The following NOS1AP variants were observed in gnomAD, a reference collection of about 807,000 sequenced individuals.
NOS1AP encodes the protein nitric oxide synthase 1 adaptor protein.
A neutral mutation model predicts 56.2 loss-of-function variants in NOS1AP; 21 were observed. The observed-to-expected ratio is 0.37, with a 90% CI of 0.26 to 0.54. The LOEUF (loss-of-function observed/expected upper bound fraction) is 0.54, where lower values mean the gene tolerates loss of function less well. Ranked by LOEUF, NOS1AP falls within the 20% of genes least tolerant of loss-of-function variation. NOS1AP has a pLI of 0.84. For missense variants in NOS1AP, 522 were observed against 657.8 expected, an observed-to-expected ratio of 0.79 and a Z score of 2.26; for synonymous variants, 270 against 274.6, an observed-to-expected ratio of 0.98 and a Z score of 0.17.
At chr1:162,138,346 C>T (rs1649091859) in intron 1 of NOS1AP, among the ~76,000 whole-genome samples, 1 of 152,070 alleles carries the variant, frequency 6.6e-6, no homozygotes, top group African/African-American at 2.4e-5. Flanking sequence ...TAAATGTGGG[C>T]AGAGTGGCCC....
chr1:162,347,018 G>A (rs539423099), intron 6 of NOS1AP, among the ~76,000 whole-genome samples: 1 of 152,226 alleles, frequency 6.6e-6, no homozygotes, highest in Non-Finnish European at 1.5e-5. Context: ...GATAGACTTT[G>A]GCGAATATTT....
chr1:162,081,736 ATCTATATCTATATC>A (rs1386072171), intron 1 of NOS1AP, among the ~76,000 whole-genome samples: 3 of 96,680 alleles, frequency 3.1e-5, no homozygotes, highest in African/African-American at 1.1e-4. Context: ...ATATCTATAT[ATCTATATCTATATC>A]TATAGATATA....
chr1:162,258,431 A>T (rs1654104444), intron 2 of NOS1AP, among the ~76,000 whole-genome samples: 1 of 152,138 alleles, frequency 6.6e-6, no homozygotes, highest in Non-Finnish European at 1.5e-5. Flanking sequence ...GGTGGGAGAC[A>T]TAGGTGCATC....
At chr1:162,288,324 C>T (rs1571192617) in intron 3 of NOS1AP, among the ~76,000 whole-genome samples, 2 of 152,112 alleles carry the variant, frequency 1.3e-5, no homozygotes, top group East Asian at 3.8e-4. Flanking sequence ...CTCCATAGAC[C>T]TCCTGAGCTT....
At chr1:162,230,243 G>T (rs1464822403) in intron 2 of NOS1AP, among the ~76,000 whole-genome samples, 2 of 152,094 alleles carry the variant, frequency 1.3e-5, no homozygotes, top group Non-Finnish European at 2.9e-5. Context: ...CGGACGGAGG[G>T]GTGTATGCTG....
At chr1:162,365,344 G>A (rs746177580) in intron 8 of NOS1AP, 60 bp from the exon 9 acceptor site, 5 of 1,611,170 alleles carry the variant, frequency 3.1e-6, no homozygotes, top group Admixed American at 1.7e-5. Context: ...ACTCTCATGT[G>A]CATTCATGTC....
At chr1:162,223,038 G>A (rs192162643) in intron 2 of NOS1AP, among the ~76,000 whole-genome samples, 14 of 152,312 alleles carry the variant, frequency 9.2e-5, no homozygotes, top group Non-Finnish European at 1.6e-4. Flanking sequence ...TGCAGTCTTA[G>A]CTTTTTGTTC....
chr1:162,089,172 G>C (rs1692073122), intron 1 of NOS1AP, among the ~76,000 whole-genome samples: 1 of 152,162 alleles, frequency 6.6e-6, no homozygotes, highest in Non-Finnish European at 1.5e-5. Context: ...TACACATAAG[G>C]AAAGAGCAAG....
intron 1 of NOS1AP, among the ~76,000 whole-genome samples, chr1:162,114,190 C>T (rs993862755): frequency 1.6e-4 from 24 of 152,000 alleles, no homozygotes; most frequent in Non-Finnish European, 7.4e-5. Context: ...TCCAGCAGGA[C>T]AAGATCACCC....
chr1:162,304,780 C>CTCTGTG (rs142219781), intron 4 of NOS1AP, among the ~76,000 whole-genome samples: 1 of 146,092 alleles, frequency 6.8e-6, no homozygotes, highest in Non-Finnish European at 1.5e-5. Context: ...ATTTTTATAT[C>CTCTGTG]TGTGTGTGTG....
intron 8 of NOS1AP, among the ~76,000 whole-genome samples, chr1:162,359,876 G>A (rs1286638800): frequency 1.3e-5 from 2 of 152,130 alleles, no homozygotes; most frequent in Non-Finnish European, 2.9e-5. Flanking sequence ...AGCCTTTCAG[G>A]TGGGAATAGT....
At chr1:162,364,932 T>G in intron 8 of NOS1AP, 1 of 1,020,262 alleles carries the variant, frequency 9.8e-7, no homozygotes. Context: ...AGCCAGTGGG[T>G]CAATAGATGA....
intron 2 of NOS1AP, among the ~76,000 whole-genome samples, chr1:162,214,233 C>T (rs1200069199): frequency 6.6e-6 from 1 of 151,816 alleles, no homozygotes; most frequent in African/African-American, 2.4e-5. Flanking sequence ...ACATTTGTTC[C>T]TTTGTTAATC....
chr1:162,109,602 T>G (rs1432492079), intron 1 of NOS1AP, among the ~76,000 whole-genome samples: 1 of 152,182 alleles, frequency 6.6e-6, no homozygotes, highest in East Asian at 1.9e-4. Flanking sequence ...TGTGTATGTT[T>G]AAGCTTTTCA....
intron 8 of NOS1AP, among the ~76,000 whole-genome samples, chr1:162,358,443 T>C (rs1365891115): frequency 1.3e-5 from 2 of 152,170 alleles, no homozygotes; most frequent in African/African-American, 4.8e-5. Context: ...TCGGAGTCTT[T>C]TTAAAAAGTC....
chr1:162,081,774 A>ATATATTTTTTTTTTTT, intron 1 of NOS1AP, among the ~76,000 whole-genome samples: 10 of 44,058 alleles, frequency 2.3e-4, no homozygotes, highest in African/African-American at 3.8e-4. Flanking sequence ...ATATATATAT[A>ATATATTTTTTTTTTTT]TTTTTTTTTT....
intron 8 of NOS1AP, 122 bp downstream of exon 8, chr1:162,357,258 T>G (rs750606392): frequency 1.1e-5 from 16 of 1,503,718 alleles, no homozygotes; most frequent in Non-Finnish European, 1.4e-5. Flanking sequence ...GCTCATGCTA[T>G]TGGATCATTG....
chr1:162,272,186 C>T (rs372091451), intron 2 of NOS1AP, among the ~76,000 whole-genome samples: 54 of 152,270 alleles, frequency 3.5e-4, no homozygotes, highest in African/African-American at 1.3e-3. Flanking sequence ...TCCCATCATG[C>T]GGGGCCCACC....
intron 5 of NOS1AP, chr1:162,338,521 G>A (rs375887251): frequency 6.6e-5 from 10 of 152,264 alleles, no homozygotes; most frequent in African/African-American, 2.2e-4. Flanking sequence ...TATCAAATCA[G>A]CTATAGAATA....
Sources: gnomAD v4.1 joint callset for allele counts (sites outside exome capture counted in the v4.1 genomes callset) on GRCh38, gnomAD v4.1.1 for gene constraint, MANE v1.5 for transcripts, NCBI Gene and HGNC (gene_info 2026-07-23, HGNC 2026-07-21) for gene names.